The following SPMIP4 variants were observed in gnomAD, a reference collection of about 807,000 sequenced individuals.
SPMIP4 encodes sperm-associated microtubule inner protein 4.
At chr7:25,168,578 T>G in the SPMIP4 span, 1 of 878,804 alleles carries the variant, frequency 1.1e-6, no homozygotes, top group East Asian at 2.8e-5. Context: ...GATTAAATCT[T>G]CAGAACACAG....
the SPMIP4 span, among the ~76,000 whole-genome samples, chr7:25,150,107 T>A: frequency 6.6e-6 from 1 of 152,022 alleles, no homozygotes; most frequent in African/African-American, 2.4e-5. Context: ...AGGCTGGAGG[T>A]AAGGGCAGAT....
chr7:25,142,380 G>A, the SPMIP4 span: 45 of 1,357,230 alleles, frequency 3.3e-5, no homozygotes, highest in Non-Finnish European at 4.3e-5. Context: ...AACGAAGAAC[G>A]ACAGTTATAT....
chr7:25,157,281 G>A, the SPMIP4 span, among the ~76,000 whole-genome samples: 1 of 152,242 alleles, frequency 6.6e-6, no homozygotes, highest in South Asian at 2.1e-4. Context: ...CATCTCCCAT[G>A]TAGAATGCCA....
the SPMIP4 span, among the ~76,000 whole-genome samples, chr7:25,169,695 C>G: frequency 2.0e-5 from 3 of 152,118 alleles, no homozygotes; most frequent in Non-Finnish European, 4.4e-5. Context: ...CTGTCTCAGC[C>G]TCCCGAGTAG....
At chr7:25,141,769 G>T in the SPMIP4 span, among the ~76,000 whole-genome samples, 1 of 151,208 alleles carries the variant, frequency 6.6e-6, no homozygotes, top group East Asian at 1.9e-4. Flanking sequence ...ACGTAGTCTC[G>T]CTCTGTCGTC....
At chr7:25,176,700 T>C in the SPMIP4 span, among the ~76,000 whole-genome samples, 1 of 152,264 alleles carries the variant, frequency 6.6e-6, no homozygotes, top group Admixed American at 6.5e-5. This position sits in a 1 kb window ranked among gnomAD's most constrained non-coding sequence, Gnocchi z 4.4. Context: ...AGAGGGCTTC[T>C]TTCCTGTGCT....
At chr7:25,147,061 C>T in the SPMIP4 span, among the ~76,000 whole-genome samples, 2 of 152,054 alleles carry the variant, frequency 1.3e-5, no homozygotes, top group Non-Finnish European at 2.9e-5. Flanking sequence ...TTTGGGAGGC[C>T]GAGGAGGGAG....
chr7:25,136,405 G>A, the SPMIP4 span: 2 of 1,614,140 alleles, frequency 1.2e-6, no homozygotes, highest in South Asian at 1.1e-5. The surrounding 1 kb of genome is among the most constrained non-coding windows in gnomAD (Gnocchi z 5.7). Context: ...GGTTTTTAGT[G>A]ACTGCTGTCT....
the SPMIP4 span, among the ~76,000 whole-genome samples, chr7:25,164,079 G>T: frequency 6.6e-6 from 1 of 152,124 alleles, no homozygotes; most frequent in Non-Finnish European, 1.5e-5. Context: ...AAGAGTGTGG[G>T]ACACGCTCTG....
chr7:25,170,300 T>G, the SPMIP4 span, among the ~76,000 whole-genome samples: 1 of 152,348 alleles, frequency 6.6e-6, no homozygotes, highest in Admixed American at 6.5e-5. Flanking sequence ...TGACTAATGA[T>G]GTTGAGCATT....
chr7:25,142,176 G>A, the SPMIP4 span: 2 of 1,182,864 alleles, frequency 1.7e-6, no homozygotes, highest in East Asian at 4.8e-5. Flanking sequence ...CACAAAAAGT[G>A]GCAAAGCAAG....
At chr7:25,148,333 G>C in the SPMIP4 span, among the ~76,000 whole-genome samples, 2 of 151,894 alleles carry the variant, frequency 1.3e-5, no homozygotes, top group African/African-American at 4.9e-5. Context: ...CAGATACTTA[G>C]GAGGCTGAAG....
the SPMIP4 span, chr7:25,125,844 C>T: frequency 1.1e-6 from 1 of 903,710 alleles, no homozygotes; most frequent in Non-Finnish European, 1.3e-6. Flanking sequence ...GAGTTGGGCA[C>T]CAGCTCGTGA....
the SPMIP4 span, among the ~76,000 whole-genome samples, chr7:25,146,872 AG>A: frequency 1.4e-4 from 22 of 152,186 alleles, no homozygotes; most frequent in African/African-American, 5.3e-4. Flanking sequence ...ATTACAAGGT[AG>A]ATTACATCCT....
the SPMIP4 span, chr7:25,179,193 G>A: frequency 1.6e-5 from 26 of 1,608,098 alleles, no homozygotes; most frequent in African/African-American, 3.5e-4. Context: ...TGAGGCAGTT[G>A]GGCGAGTAAC....
At chr7:25,178,151 T>C in the SPMIP4 span, among the ~76,000 whole-genome samples, 1 of 152,244 alleles carries the variant, frequency 6.6e-6, no homozygotes, top group Non-Finnish European at 1.5e-5. Context: ...CGTTTTTTTA[T>C]GGCTGCATAG....
the SPMIP4 span, chr7:25,125,883 T>C: frequency 1.0e-6 from 1 of 984,188 alleles, no homozygotes; most frequent in South Asian, 4.7e-5. Flanking sequence ...TATACTCTGT[T>C]ACTTTCAGTC....
chr7:25,165,346 C>T, the SPMIP4 span, among the ~76,000 whole-genome samples: 1 of 152,142 alleles, frequency 6.6e-6, no homozygotes, highest in African/African-American at 2.4e-5. Flanking sequence ...TACAACTGAA[C>T]TAGACAGGAG....
At chr7:25,159,201 G>A in the SPMIP4 span, among the ~76,000 whole-genome samples, 4 of 152,218 alleles carry the variant, frequency 2.6e-5, no homozygotes, top group Admixed American at 6.5e-5. Context: ...AAAGTGACGC[G>A]AGTGTGGCCC....
Sources: allele counts gnomAD v4.1 joint callset (sites outside exome capture counted in the v4.1 genomes callset), GRCh38; gene constraint gnomAD v4.1.1; non-coding constraint Gnocchi (gnomAD v3.1); transcripts MANE v1.5; gene names NCBI Gene and HGNC (gene_info 2026-07-23, HGNC 2026-07-21).